Variants in CFAP69 observed in about 807,000 individuals in gnomAD.
CFAP69 encodes cilia- and flagella-associated protein 69.
CFAP69 carries 92 observed loss-of-function variants against 123.0 expected under a neutral mutation model. The ratio of observed to expected loss-of-function variants is 0.75; its 90% CI spans 0.63 to 0.89. CFAP69 has a LOEUF of 0.89. Among genes scored for constraint, CFAP69 ranks in the 40% least tolerant of loss-of-function variants. The pLI is 0.00. For missense variants in CFAP69, 1,067 were observed against 1,096.9 expected (o/e 0.97, Z 0.39); for synonymous variants, 380 against 364.3 (o/e 1.04, Z -0.49).
Position 90,299,955 on chromosome 7 carries a change from G to A in CFAP69, c.1946G>A (p.Trp649Ter). 2.5e-6 allele frequency: 4 copies of A among 1,612,108 alleles called. No individual in the cohort carries two copies. The highest frequency in any genetic ancestry group is 3.4e-6 in the Non-Finnish European group (4 of 1,178,996). ...AAAACTGCAGCTCATGTCAATGCTT[G>A]GCAAGGGAAGAAGGATCAGACAGCT... Reference protein sequence around the residue: ...NPKTAAHVNAWQGKKDQTAAS... With the variant: ...NPKTAAHVNA The change falls in exon 17 of 23, where the codon TGG (tryptophan) becomes TAG (stop). Residue 649 changes from tryptophan to a stop codon, truncating the protein, a stop_gained. Coordinates refer to ENST00000389297, the MANE Select transcript of CFAP69 (RefSeq NM_001039706.3). LOFTEE classifies it high-confidence loss of function.
At chr7:90,321,493 C>T in the CFAP69 span, among the ~76,000 whole-genome samples, 1 of 152,244 alleles carries the variant, frequency 6.6e-6, no homozygotes, top group South Asian at 2.1e-4. Context: ...GACTTTCTTG[C>T]TATGCCAAAG....
downstream of CFAP69, among the ~76,000 whole-genome samples, chr7:90,311,776 G>A (rs1484525099): frequency 6.6e-6 from 1 of 152,084 alleles, no homozygotes; most frequent in African/African-American, 2.4e-5. Flanking sequence ...TCTCACCCTG[G>A]CCCAGATGCC....
chr7:90,297,431 C>CA (rs1047341738), intron 15 of CFAP69, among the ~76,000 whole-genome samples: 2 of 151,618 alleles, frequency 1.3e-5, no homozygotes, highest in Non-Finnish European at 2.9e-5. Context: ...ATATATCTTG[C>CA]AAAAAAAGTT....
Position 90,261,592 on chromosome 7 carries a change from G to A in CFAP69, c.247-355G>A, listed in dbSNP as rs534200474. Among the ~76,000 whole-genome samples, 17 of 152,152 alleles carry A rather than the reference G, an allele frequency of 1.1e-4. 1 individual carries two copies. The South Asian group carries it at 3.3e-3, about 30-fold the overall frequency. On this transcript the variant is annotated intron_variant, in intron 3 of 22. Coordinates refer to ENST00000389297, the MANE Select transcript of CFAP69 (RefSeq NM_001039706.3). ...GCAGGGGTAGGGGGTGAAGATGAAG[G>A]GTATAATTGAGCCTAATCAGTAAGT...
At chr7:90,309,202 A>T (rs1794018719) in intron 21 of CFAP69, 61 bp from the exon 22 acceptor site, 5 of 776,604 alleles carry the variant, frequency 6.4e-6, no homozygotes, top group Admixed American at 2.7e-5. Flanking sequence ...TTTCATTGTA[A>T]GTACCATCAT....
At chr7:90,295,708 T>C (rs1221715910) in intron 15 of CFAP69, among the ~76,000 whole-genome samples, 1 of 152,212 alleles carries the variant, frequency 6.6e-6, no homozygotes, top group East Asian at 1.9e-4. Flanking sequence ...TGAAAGCAAT[T>C]TATTAGGAAA....
chr7:90,300,196 A>T (rs1049972911), intron 17 of CFAP69, 137 bp downstream of exon 17: 1 of 1,195,028 alleles, frequency 8.4e-7, no homozygotes, highest in Non-Finnish European at 1.1e-6. Context: ...GGTTTGAAAA[A>T]TTTGCTATCC....
At chr7:90,285,077 T>G (rs577355382) in intron 13 of CFAP69, among the ~76,000 whole-genome samples, 2 of 152,288 alleles carry the variant, frequency 1.3e-5, no homozygotes, top group East Asian at 3.9e-4. Context: ...AGGGAAAGTT[T>G]CTGCCTGCAC....
chr7:90,274,198 G>A, intron 9 of CFAP69, 88 bp downstream of exon 9: 1 of 1,458,322 alleles, frequency 6.9e-7, no homozygotes, highest in Admixed American at 2.3e-5. Flanking sequence ...GAATATTTGT[G>A]TATTTTCTTG....
chr7:90,295,930 C>T (rs367803541), intron 15 of CFAP69, among the ~76,000 whole-genome samples: 12 of 152,232 alleles, frequency 7.9e-5, no homozygotes, highest in East Asian at 7.7e-4. Context: ...TGAGGATGAC[C>T]GGAGGTCACT....
At chr7:90,311,569 C>A (rs540075007), downstream of CFAP69, among the ~76,000 whole-genome samples, 1 of 152,286 alleles carries the variant, frequency 6.6e-6, no homozygotes, top group Non-Finnish European at 1.5e-5. Context: ...GGCTCTATCA[C>A]CTCAATGTAC....
rs367620703 is a variant in CFAP69 at position 90,308,663 on chromosome 7, G to A, written c.2551-600G>A. Reference sequence around the variant, plus strand: ...CAAGTTATCTCCCTGTTCACTGAAAGTTCTTCCCAATTCTACTTATAAAAT... The same window carrying A: ...CAAGTTATCTCCCTGTTCACTGAAAATTCTTCCCAATTCTACTTATAAAAT... On this transcript the variant is annotated intron_variant, in intron 21 of 22. Coordinates refer to ENST00000389297, the MANE Select transcript of CFAP69 (RefSeq NM_001039706.3). Among the ~76,000 whole-genome samples, 18 of 152,218 alleles carry A rather than the reference G, an allele frequency of 1.2e-4. No homozygotes were observed. In the East Asian group the frequency reaches 1.9e-3, roughly 16 times the overall value.
chr7:90,304,635 TTAGATAGGTAGATAGATAGA>T (rs869136432), intron 18 of CFAP69, 89 bp from the exon 19 acceptor site: 1 of 1,445,728 alleles, frequency 6.9e-7, no homozygotes, highest in South Asian at 1.4e-5. Context: ...GCATTTGTTT[TTAGATAGGTAGATAGATAGA>T]TAGATAGATA....
chr7:90,305,007 G>A (rs1231342662), intron 19 of CFAP69, among the ~76,000 whole-genome samples, 187 bp downstream of exon 19: 1 of 152,044 alleles, frequency 6.6e-6, no homozygotes, highest in Non-Finnish European at 1.5e-5. Context: ...GTTTTTCATG[G>A]GATAAGATTT....
chr7:90,300,011 G>A lies in CFAP69; in HGVS notation c.2002G>A (p.Glu668Lys), dbSNP rs768224489. ...ASLLIKLWRK[E>K]EKELGVKRDK... ...TCTTTTAATTAAATTGTGGAGAAAG[G>A]AGGAAAAAGAACTAGGAGTAAAACG... Residue 668 changes from glutamate (E) to lysine (K), a missense_variant, in exon 17 of 23, where the codon GAG (glutamate) becomes AAG (lysine). By Grantham distance (56) the Glu-to-Lys change is moderately conservative (BLOSUM62 1). Transcript: ENST00000389297. 11 of 1,608,474 alleles carry A rather than the reference G, an allele frequency of 6.8e-6. No homozygotes were observed. The highest frequency in any genetic ancestry group is 1.1e-5 in the South Asian group (1 of 89,694).
chr7:90,313,265 G>A (rs1033288300), downstream of CFAP69, among the ~76,000 whole-genome samples: 15 of 152,180 alleles, frequency 9.9e-5, no homozygotes, highest in Non-Finnish European at 1.6e-4. Context: ...CAGGTGAGCA[G>A]GATCAATGTA....
the CFAP69 span, chr7:90,320,999 T>C: frequency 0.053 from 8,119 of 152,302 alleles, 274 homozygotes; most frequent in Non-Finnish European, 0.077. Context: ...CGGCGCGGTG[T>C]CCTGGGTGCG....
At chr7:90,302,115 A>G (rs191704181) in intron 17 of CFAP69, 167 of 152,336 alleles carry the variant, frequency 1.1e-3, no homozygotes, top group African/African-American at 3.7e-3. Context: ...GGCTGCATGT[A>G]TGACTTCTTT....
chr7:90,282,946 A>G lies in CFAP69; in HGVS notation c.1427A>G (p.Lys476Arg). ...SFHGTGGRGN[K>R]FAQMRYSLRL... ...CATGGTACAGGTGGCCGAGGCAACA[A>G]GTTTGCCCAGATGCGTTACAGTTTA... is the stretch of plus-strand genomic sequence containing the variant. Residue 476 changes from lysine (K) to arginine (R), a missense_variant, in exon 13 of 23, where the codon AAG (lysine) becomes AGG (arginine). Coordinates refer to ENST00000389297, the MANE Select transcript of CFAP69 (RefSeq NM_001039706.3). 1 of 1,594,312 alleles carries G rather than the reference A, an allele frequency of 6.3e-7. No individual in the cohort carries two copies. Among genetic ancestry groups the G allele is most frequent in the Non-Finnish European group, 8.5e-7 (1 of 1,171,346 alleles).
Sources: gnomAD v4.1 joint callset for allele counts (sites outside exome capture counted in the v4.1 genomes callset) on GRCh38, gnomAD v4.1.1 for gene constraint, MANE v1.5 for transcripts, NCBI Gene and HGNC (gene_info 2026-07-23, HGNC 2026-07-21) for gene names.